ASIC2: variants seen among roughly 807,000 people sequenced by gnomAD.
The protein encoded by ASIC2 is acid-sensing ion channel 2.
Under a neutral mutation model 57.3 loss-of-function variants are expected in ASIC2, and 25 were observed. The ratio of observed to expected loss-of-function variants is 0.44; its 90% CI spans 0.32 to 0.61. The LOEUF is 0.61. Among genes scored for constraint, ASIC2 ranks in the 20% least tolerant of loss-of-function variants. The pLI, the probability that ASIC2 is intolerant of heterozygous loss-of-function variation, is 0.06. For missense variants in ASIC2, 641 were observed against 738.1 expected (o/e 0.87, Z 1.52); for synonymous variants, 319 against 307.5 (o/e 1.04, Z -0.39).
intron 1 of ASIC2, among the ~76,000 whole-genome samples, chr17:33,313,285 G>A (rs766297392): frequency 6.6e-5 from 10 of 151,110 alleles, no homozygotes; most frequent in South Asian, 2.1e-4. Flanking sequence ...TATGATTGCC[G>A]TCACTGCACT....
intron 3 of ASIC2, among the ~76,000 whole-genome samples, chr17:33,040,278 T>A (rs991465493): frequency 6.6e-6 from 1 of 152,226 alleles, no homozygotes; most frequent in Non-Finnish European, 1.5e-5. Flanking sequence ...ATGGTTCCAA[T>A]GAAGTCTCCT....
At chr17:33,997,240 C>T (rs889887098) in intron 1 of ASIC2, among the ~76,000 whole-genome samples, 6 of 151,190 alleles carry the variant, frequency 4.0e-5, no homozygotes, top group Non-Finnish European at 8.8e-5. Context: ...CTCCTGGGCT[C>T]AAGCTATCCT....
At chr17:33,306,038 G>A (rs911985431) in intron 1 of ASIC2, among the ~76,000 whole-genome samples, 1 of 152,138 alleles carries the variant, frequency 6.6e-6, no homozygotes, top group African/African-American at 2.4e-5. Flanking sequence ...TCTATAAAAG[G>A]GAATTTCATG....
intron 2 of ASIC2, among the ~76,000 whole-genome samples, chr17:33,111,204 C>T (rs1037605494): frequency 1.3e-5 from 2 of 152,194 alleles, no homozygotes; most frequent in African/African-American, 4.8e-5. Flanking sequence ...AGACCCTGCT[C>T]AAATACCCTT....
intron 1 of ASIC2, among the ~76,000 whole-genome samples, chr17:33,145,367 C>T (rs1002699752): frequency 4.6e-5 from 7 of 152,342 alleles, no homozygotes; most frequent in Non-Finnish European, 8.8e-5. Context: ...TCCCTGCCTG[C>T]GGTCTGAGCA....
chr17:33,131,016 T>C (rs1255577618), intron 1 of ASIC2, among the ~76,000 whole-genome samples: 2 of 152,100 alleles, frequency 1.3e-5, no homozygotes, highest in South Asian at 2.1e-4. Flanking sequence ...ATCTGTAAAG[T>C]GGAAGATAGG....
At chr17:33,549,505 T>C (rs965647245) in intron 1 of ASIC2, among the ~76,000 whole-genome samples, 1 of 152,174 alleles carries the variant, frequency 6.6e-6, no homozygotes, top group Non-Finnish European at 1.5e-5. Context: ...TAATTTTTTC[T>C]TACCTGCTTT....
At chr17:33,848,016 G>A (rs1913659132) in intron 1 of ASIC2, among the ~76,000 whole-genome samples, 1 of 152,124 alleles carries the variant, frequency 6.6e-6, no homozygotes, top group Non-Finnish European at 1.5e-5. Context: ...AGAGCTGGAA[G>A]AGGCAAAGAG....
chr17:34,031,081 C>T (rs1433303547), intron 1 of ASIC2, among the ~76,000 whole-genome samples: 1 of 152,216 alleles, frequency 6.6e-6, no homozygotes, highest in South Asian at 2.1e-4. Context: ...GGGTCCCTGA[C>T]CCCTGAGCAG....
intron 1 of ASIC2, among the ~76,000 whole-genome samples, chr17:33,345,698 T>C (rs1028392991): frequency 1.3e-5 from 2 of 152,198 alleles, no homozygotes; most frequent in African/African-American, 4.8e-5. Context: ...GACTGAATCA[T>C]ACAGGGCATT....
At chr17:34,003,130 G>C (rs1438730438) in intron 1 of ASIC2, 1 of 152,216 alleles carries the variant, frequency 6.6e-6, no homozygotes, top group African/African-American at 2.4e-5. Context: ...CAGTTGAGAA[G>C]CCATGGAATC....
At chr17:33,527,963 T>C (rs1865392) in intron 1 of ASIC2, among the ~76,000 whole-genome samples, 136,281 of 152,156 alleles carry the variant, frequency 0.9, 61,234 homozygotes, top group African/African-American at 0.97. Flanking sequence ...AGGAAGAAGA[T>C]GGAACTTCAT....
At chr17:33,267,062 G>C (rs1211039004) in intron 1 of ASIC2, among the ~76,000 whole-genome samples, 1 of 152,132 alleles carries the variant, frequency 6.6e-6, no homozygotes, top group African/African-American at 2.4e-5. Context: ...TGTTCACTGG[G>C]CAGAGGACTT....
At chr17:33,858,352 C>T (rs1914016342) in intron 1 of ASIC2, among the ~76,000 whole-genome samples, 1 of 152,200 alleles carries the variant, frequency 6.6e-6, no homozygotes, top group South Asian at 2.1e-4. Context: ...CTCTATACTC[C>T]CCAGTGTGGC....
chr17:33,852,170 G>C (rs193012369), intron 1 of ASIC2, among the ~76,000 whole-genome samples: 2 of 152,336 alleles, frequency 1.3e-5, no homozygotes, highest in East Asian at 1.9e-4. Context: ...CATCAAGTAA[G>C]GCTGTTTTTT....
At chr17:33,938,943 G>A (rs963029927) in intron 1 of ASIC2, among the ~76,000 whole-genome samples, 2 of 152,206 alleles carry the variant, frequency 1.3e-5, no homozygotes, top group African/African-American at 4.8e-5. Flanking sequence ...TCTCCCCATT[G>A]ACCGGGGTCA....
chr17:33,783,433 G>A (rs1334632076), intron 1 of ASIC2, among the ~76,000 whole-genome samples: 1 of 152,250 alleles, frequency 6.6e-6, no homozygotes, highest in Non-Finnish European at 1.5e-5. Flanking sequence ...AGGAATTCAT[G>A]CATGTAAATT....
intron 1 of ASIC2, among the ~76,000 whole-genome samples, chr17:33,959,499 A>T (rs1222949665): frequency 6.6e-6 from 1 of 152,228 alleles, no homozygotes; most frequent in Non-Finnish European, 1.5e-5. Flanking sequence ...AAATCTCAAA[A>T]GTAGGGAAGC....
At chr17:33,424,003 A>G (rs2141973523) in intron 1 of ASIC2, among the ~76,000 whole-genome samples, 1 of 152,320 alleles carries the variant, frequency 6.6e-6, no homozygotes, top group South Asian at 2.1e-4. Context: ...TGGACAAACA[A>G]CAATTCTATT....
Sources: gnomAD v4.1 joint callset for allele counts (sites outside exome capture counted in the v4.1 genomes callset) on GRCh38, gnomAD v4.1.1 for gene constraint, MANE v1.5 for transcripts, NCBI Gene and HGNC (gene_info 2026-07-23, HGNC 2026-07-21) for gene names.